The following LDLRAD3 variants were observed in gnomAD, a reference collection of about 807,000 sequenced individuals.
LDLRAD3 encodes the protein low-density lipoprotein receptor class A domain-containing protein 3.
Under a neutral mutation model 29.4 loss-of-function variants are expected in LDLRAD3, and 20 were observed. That is an observed-to-expected ratio of 0.68 (90% CI 0.48 to 0.99). The LOEUF is 0.99. Ranked by LOEUF, LDLRAD3 falls within the 50% of genes least tolerant of loss-of-function variation. LDLRAD3 has a pLI of 0.00. For missense variants in LDLRAD3, 420 were observed against 454.3 expected (o/e 0.92, Z 0.69); for synonymous variants, 157 against 192.7 (o/e 0.81, Z 1.53).
chr11:35,954,777 G>A (rs1473353650), intron 1 of LDLRAD3, among the ~76,000 whole-genome samples: 2 of 152,166 alleles, frequency 1.3e-5, no homozygotes, highest in Non-Finnish European at 2.9e-5. Flanking sequence ...ATGTATTATA[G>A]CAATTTTAAA....
rs147309219 is a variant in LDLRAD3, at chr11:36,098,389, A to G, written c.382A>G (p.Lys128Glu). The change falls in exon 4 of 6, where the codon AAG becomes GAG. Residue 128 changes from lysine to glutamate, a missense_variant. Physicochemically the swap from Lys to Glu is moderately conservative, Grantham distance 56. Transcript: ENST00000315571. Reference sequence around the variant, plus strand: ...CTGCAAGAACGGCCTCTGTATTGACAAGAGCTTCATCTGCGATGGACAGAA... The same window carrying G: ...CTGCAAGAACGGCCTCTGTATTGACGAGAGCTTCATCTGCGATGGACAGAA... ...YHCKNGLCID[K>E]SFICDGQNNC... The G allele has an allele frequency of 1.5e-4, 240 of 1,614,236 alleles. 1 individual carries two copies. In the African/African-American group the frequency reaches 2.7e-3, roughly 18 times the overall value.
chr11:35,954,923 G>A (rs263094), intron 1 of LDLRAD3, among the ~76,000 whole-genome samples: 2,345 of 152,276 alleles, frequency 0.015, 63 homozygotes, highest in African/African-American at 0.054. Context: ...AAGTAGGAGA[G>A]GTCACCAAGA....
intron 1 of LDLRAD3, among the ~76,000 whole-genome samples, chr11:35,949,040 T>A (rs1462267741): frequency 6.6e-6 from 1 of 152,086 alleles, no homozygotes; most frequent in African/African-American, 2.4e-5. Context: ...TTACTGTGCA[T>A]CATTACTGTG....
chr11:36,212,416 T>C (rs558917828), intron 4 of LDLRAD3, among the ~76,000 whole-genome samples: 2 of 152,294 alleles, frequency 1.3e-5, no homozygotes, highest in Admixed American at 6.5e-5. Context: ...AATGACACAA[T>C]TGAGCAGAGT....
At chr11:36,057,187 C>A (rs540501784) in intron 2 of LDLRAD3, among the ~76,000 whole-genome samples, 1 of 152,298 alleles carries the variant, frequency 6.6e-6, no homozygotes, top group South Asian at 2.1e-4. Flanking sequence ...GTCCCAGGAA[C>A]CACACTATGA....
At chr11:35,987,151 C>T (rs1359236338) in intron 1 of LDLRAD3, among the ~76,000 whole-genome samples, 4 of 152,194 alleles carry the variant, frequency 2.6e-5, no homozygotes, top group African/African-American at 9.6e-5. Flanking sequence ...GGGTCAAGTA[C>T]CAGCTATGAC....
chr11:36,027,388 G>A (rs537663123), intron 1 of LDLRAD3, among the ~76,000 whole-genome samples: 36 of 152,212 alleles, frequency 2.4e-4, no homozygotes, highest in African/African-American at 7.2e-4. Flanking sequence ...TTGATACTTC[G>A]TGGGTTATAC....
chr11:36,063,975 TC>T (rs1852748152), intron 2 of LDLRAD3, among the ~76,000 whole-genome samples: 1 of 152,200 alleles, frequency 6.6e-6, no homozygotes, highest in African/African-American at 2.4e-5. Context: ...GTATAAGGGT[TC>T]CATAGACTCT....
At chr11:36,148,272 C>T (rs1029109300) in intron 4 of LDLRAD3, among the ~76,000 whole-genome samples, 1 of 152,164 alleles carries the variant, frequency 6.6e-6, no homozygotes, top group African/African-American at 2.4e-5. Context: ...CCTTGGTTCT[C>T]AACCCTGTGA....
intron 4 of LDLRAD3, among the ~76,000 whole-genome samples, chr11:36,221,053 G>C (rs977107778): frequency 1.3e-5 from 2 of 152,092 alleles, no homozygotes; most frequent in Non-Finnish European, 2.9e-5. Flanking sequence ...TCTGGACTTA[G>C]GAGGTCAGGC....
rs564234968 is a variant in LDLRAD3, at chr11:36,019,323, A to G, written c.47-16780A>G. ...GTTAGCATAAAGGCACTTGATTGAC[A>G]AAAGGAGAGACAGGGAGAGTCTCTG... On this transcript the variant is annotated intron_variant, in intron 1 of 5. Transcript: ENST00000315571. 2.6e-5 allele frequency among the ~76,000 whole-genome samples: 4 copies of G among 152,336 alleles called. No individual in the cohort carries two copies. The South Asian group carries it at 8.3e-4, about 32-fold the overall frequency.
intron 4 of LDLRAD3, among the ~76,000 whole-genome samples, chr11:36,126,211 G>C (rs994127082): frequency 6.6e-6 from 1 of 152,066 alleles, no homozygotes; most frequent in African/African-American, 2.4e-5. Flanking sequence ...GGTCCCCGCT[G>C]CCTGCACTGC....
chr11:36,198,398 C>T (rs971062734), intron 4 of LDLRAD3, among the ~76,000 whole-genome samples: 3 of 152,208 alleles, frequency 2.0e-5, no homozygotes, highest in African/African-American at 4.8e-5. Flanking sequence ...CACACTTTCT[C>T]ATCAACATAA....
intron 1 of LDLRAD3, among the ~76,000 whole-genome samples, chr11:35,964,055 C>T (rs368902102): frequency 6.6e-6 from 1 of 152,088 alleles, no homozygotes. Context: ...TCCAGGATGG[C>T]GTGGGCTGGG....
At chr11:35,991,568 T>G (rs879755065) in intron 1 of LDLRAD3, among the ~76,000 whole-genome samples, 8 of 152,210 alleles carry the variant, frequency 5.3e-5, no homozygotes, top group Non-Finnish European at 1.0e-4. Context: ...TTCACAAATT[T>G]GTCATGTTCC....
chr11:36,196,220 T>C (rs895957009), intron 4 of LDLRAD3: 1 of 152,184 alleles, frequency 6.6e-6, no homozygotes, highest in African/African-American at 2.4e-5. Context: ...TGGTAGAAAA[T>C]GTGTTCTTTT....
chr11:36,222,291 C>T (rs200567191), intron 4 of LDLRAD3, among the ~76,000 whole-genome samples: 1 of 152,050 alleles, frequency 6.6e-6, no homozygotes, highest in Admixed American at 6.6e-5. Context: ...CCTATGTTGC[C>T]CAGGCTGGTC....
intron 2 of LDLRAD3, among the ~76,000 whole-genome samples, chr11:36,081,095 C>G (rs916526192): frequency 6.6e-6 from 1 of 152,182 alleles, no homozygotes; most frequent in Non-Finnish European, 1.5e-5. Flanking sequence ...TCCAAGTTCC[C>G]AGACTCCAGC....
intron 3 of LDLRAD3, among the ~76,000 whole-genome samples, chr11:36,090,570 T>C (rs1249494149): frequency 6.6e-6 from 1 of 152,162 alleles, no homozygotes; most frequent in Non-Finnish European, 1.5e-5. Flanking sequence ...GAGATAACCA[T>C]GTCCAGGAAG....
Sources: gnomAD v4.1 joint callset for allele counts (sites outside exome capture counted in the v4.1 genomes callset) on GRCh38, gnomAD v4.1.1 for gene constraint, MANE v1.5 for transcripts, NCBI Gene and HGNC (gene_info 2026-07-23, HGNC 2026-07-21) for gene names.